GALNT13: variants seen among roughly 807,000 people sequenced by gnomAD.
GALNT13 encodes the protein UDP-GalNAc:polypeptide N-acetylgalactosaminyltransferase 13.
Under a neutral mutation model 64.2 loss-of-function variants are expected in GALNT13, and 28 were observed. That is an observed-to-expected ratio of 0.44 (90% CI 0.32 to 0.60). The LOEUF (loss-of-function observed/expected upper bound fraction) is 0.60, where lower values mean the gene tolerates loss of function less well. GALNT13 is among the 20% of genes least tolerant of loss of function. The probability of loss-of-function intolerance (pLI) is 0.05; values close to 1 mark genes in which losing one functional copy is unlikely to be tolerated. For synonymous variants in GALNT13, 214 were observed against 224.6 expected, an observed-to-expected ratio of 0.95 and a Z score of 0.42; for missense variants, 577 against 669.8, an observed-to-expected ratio of 0.86 and a Z score of 1.53.
the GALNT13 span, among the ~76,000 whole-genome samples, chr2:153,174,686 T>C: frequency 1.3e-5 from 2 of 152,196 alleles, no homozygotes; most frequent in African/African-American, 4.8e-5. Flanking sequence ...TTCTATTTTC[T>C]ACCCAACAAA....
chr2:153,402,326 G>A, the GALNT13 span, among the ~76,000 whole-genome samples: 1 of 151,438 alleles, frequency 6.6e-6, no homozygotes, highest in Non-Finnish European at 1.5e-5. Context: ...TCCCTTTGAG[G>A]GTAACCCGAC....
chr2:153,163,251 A>T, the GALNT13 span, among the ~76,000 whole-genome samples: 1 of 152,176 alleles, frequency 6.6e-6, no homozygotes, highest in Non-Finnish European at 1.5e-5. Flanking sequence ...TCTTCTAGGC[A>T]ACCACCAGGG....
chr2:153,944,255 G>A (rs1392076088), intron 2 of GALNT13, 139 bp from the exon 3 acceptor site: 1 of 375,270 alleles, frequency 2.7e-6, no homozygotes, highest in Non-Finnish European at 4.7e-6. Context: ...ATTTATTTAG[G>A]CTTTTAATTT....
intron 4 of GALNT13, chr2:154,236,264 T>C: frequency 1.5e-6 from 1 of 654,026 alleles, no homozygotes; most frequent in Non-Finnish European, 2.0e-6. Flanking sequence ...GGCATAAGCC[T>C]AAAGGTTTTA....
the GALNT13 span, among the ~76,000 whole-genome samples, chr2:153,709,750 T>C: frequency 6.6e-6 from 1 of 151,982 alleles, no homozygotes; most frequent in Non-Finnish European, 1.5e-5. Context: ...TCAGTGCCCA[T>C]CAACAAATGG....
At chr2:154,172,195 A>T (rs1303108584) in intron 4 of GALNT13, among the ~76,000 whole-genome samples, 2 of 152,000 alleles carry the variant, frequency 1.3e-5, no homozygotes, top group African/African-American at 2.4e-5. Flanking sequence ...TGCATAATAG[A>T]TGTACATAGT....
chr2:154,048,624 T>C (rs966943180), intron 3 of GALNT13, among the ~76,000 whole-genome samples: 1 of 152,112 alleles, frequency 6.6e-6, no homozygotes, highest in Admixed American at 6.6e-5. Context: ...ATTCTCTAAA[T>C]TAGAATGTAT....
the GALNT13 span, among the ~76,000 whole-genome samples, chr2:153,423,134 CAA>C: frequency 6.6e-6 from 1 of 151,556 alleles, no homozygotes; most frequent in African/African-American, 2.4e-5. Flanking sequence ...CCAAATATAA[CAA>C]AGAAAAACAT....
At chr2:153,127,674 G>C in the GALNT13 span, among the ~76,000 whole-genome samples, 1 of 152,080 alleles carries the variant, frequency 6.6e-6, no homozygotes, top group African/African-American at 2.4e-5. Flanking sequence ...CAGCCCTGAG[G>C]TATCTTTTGT....
At chr2:153,208,759 A>C in the GALNT13 span, among the ~76,000 whole-genome samples, 1 of 152,122 alleles carries the variant, frequency 6.6e-6, no homozygotes, top group Non-Finnish European at 1.5e-5. Context: ...CTATTTTGCA[A>C]TTCCACCAGC....
chr2:153,860,574 G>A, the GALNT13 span, among the ~76,000 whole-genome samples: 1 of 151,878 alleles, frequency 6.6e-6, no homozygotes, highest in Non-Finnish European at 1.5e-5. Context: ...CATATGCAAA[G>A]CTTATGGAAG....
the GALNT13 span, among the ~76,000 whole-genome samples, chr2:153,844,226 T>A: frequency 2.0e-5 from 3 of 152,220 alleles, no homozygotes; most frequent in Non-Finnish European, 4.4e-5. Context: ...GACCTTTTCA[T>A]ACATCCTGTA....
the GALNT13 span, among the ~76,000 whole-genome samples, chr2:153,644,438 T>C: frequency 6.6e-6 from 1 of 152,038 alleles, no homozygotes; most frequent in Non-Finnish European, 1.5e-5. Context: ...CTAGGTAGTG[T>C]AAGATCATCA....
At chr2:153,117,792 T>G in the GALNT13 span, among the ~76,000 whole-genome samples, 1 of 152,152 alleles carries the variant, frequency 6.6e-6, no homozygotes, top group Non-Finnish European at 1.5e-5. Context: ...CCTCCTCCCT[T>G]CCACTAACTT....
the GALNT13 span, among the ~76,000 whole-genome samples, chr2:153,353,367 T>G: frequency 6.6e-6 from 1 of 152,186 alleles, no homozygotes; most frequent in African/African-American, 2.4e-5. Context: ...CTTTCATATT[T>G]CCTACATAGA....
At chr2:153,227,565 T>C in the GALNT13 span, among the ~76,000 whole-genome samples, 1 of 152,150 alleles carries the variant, frequency 6.6e-6, no homozygotes, top group African/African-American at 2.4e-5. Flanking sequence ...TCCATAGCTA[T>C]TTTTTTAAAA....
chr2:154,450,211 A>T (rs1701815311), intron 12 of GALNT13, among the ~76,000 whole-genome samples, 200 bp from the exon 13 acceptor site: 1 of 152,108 alleles, frequency 6.6e-6, no homozygotes, highest in South Asian at 2.1e-4. Flanking sequence ...AAGGTATATT[A>T]GACAATGATG....
the GALNT13 span, among the ~76,000 whole-genome samples, chr2:153,810,114 C>T: frequency 3.3e-5 from 5 of 152,096 alleles, no homozygotes; most frequent in African/African-American, 1.2e-4. Flanking sequence ...GCGCCCGCCA[C>T]CACGCCCAGC....
At chr2:154,350,754 A>T (rs1032729686) in intron 9 of GALNT13, among the ~76,000 whole-genome samples, 2 of 152,210 alleles carry the variant, frequency 1.3e-5, no homozygotes, top group Non-Finnish European at 2.9e-5. Flanking sequence ...AAGGTACAGT[A>T]GCCCTCATAT....
Sources: allele counts gnomAD v4.1 joint callset (sites outside exome capture counted in the v4.1 genomes callset), GRCh38; gene constraint gnomAD v4.1.1; transcripts MANE v1.5; gene names NCBI Gene and HGNC (gene_info 2026-07-23, HGNC 2026-07-21).